ETV6: variants seen among roughly 807,000 people sequenced by gnomAD.
ETV6 encodes the protein ETS variant transcription factor 6, also known as transcription factor ETV6.
ETV6 carries 16 observed loss-of-function variants against 51.1 expected under a neutral mutation model. The ratio of observed to expected loss-of-function variants is 0.31; its 90% CI spans 0.21 to 0.48. The LOEUF is 0.48. Ranked by LOEUF, ETV6 falls within the 20% of genes least tolerant of loss-of-function variation. The pLI is 0.99. For missense variants in ETV6, 458 were observed against 594.8 expected, an observed-to-expected ratio of 0.77 and a Z score of 2.39; for synonymous variants, 240 against 224.1, an observed-to-expected ratio of 1.07 and a Z score of -0.64.
At chr12:11,654,060 C>T (rs745883371) in intron 1 of ETV6, among the ~76,000 whole-genome samples, 14 of 152,014 alleles carry the variant, frequency 9.2e-5, no homozygotes, top group Admixed American at 2.6e-4. Flanking sequence ...GTGATCTGCC[C>T]GCCTCAGCCT....
intron 1 of ETV6, among the ~76,000 whole-genome samples, chr12:11,653,326 C>T (rs929174252): frequency 1.3e-5 from 2 of 152,198 alleles, no homozygotes; most frequent in East Asian, 1.9e-4. Context: ...CTAGCAGACA[C>T]GGTCCCTTGT....
chr12:11,652,221 G>A (rs1369847769), intron 1 of ETV6, among the ~76,000 whole-genome samples: 1 of 152,172 alleles, frequency 6.6e-6, no homozygotes, highest in Non-Finnish European at 1.5e-5. Context: ...TTTATGGAAC[G>A]AGTATGTATT....
chr12:11,701,022 G>T (rs1401960928), intron 1 of ETV6, among the ~76,000 whole-genome samples: 1 of 151,082 alleles, frequency 6.6e-6, no homozygotes, highest in African/African-American at 2.4e-5. Context: ...TCTGAGAGTT[G>T]GTAAACAAAT....
chr12:11,752,722 C>G, intron 2 of ETV6, 143 bp downstream of exon 2: 2 of 1,064,688 alleles, frequency 1.9e-6, no homozygotes, highest in South Asian at 3.6e-5. Context: ...CTTTCACACC[C>G]CCCTACCCCC....
At chr12:11,659,738 CT>C (rs1864064892) in intron 1 of ETV6, among the ~76,000 whole-genome samples, 1 of 152,180 alleles carries the variant, frequency 6.6e-6, no homozygotes, top group African/African-American at 2.4e-5. Flanking sequence ...CAGCCTGTCT[CT>C]GAAGTTAACC....
At chr12:11,821,118 T>G (rs2136435268) in intron 2 of ETV6, among the ~76,000 whole-genome samples, 1 of 152,188 alleles carries the variant, frequency 6.6e-6, no homozygotes, top group Admixed American at 6.5e-5. Context: ...ATCCCAGCAC[T>G]TTGGGAGGCT....
chr12:11,729,221 A>G (rs1865548350), intron 1 of ETV6, among the ~76,000 whole-genome samples: 1 of 152,216 alleles, frequency 6.6e-6, no homozygotes, highest in Non-Finnish European at 1.5e-5. Context: ...CCAACTGGCC[A>G]GGTGTGCCAG....
intron 2 of ETV6, among the ~76,000 whole-genome samples, chr12:11,834,398 G>A (rs2710290): frequency 1 from 152,273 of 152,330 alleles, 76,108 homozygotes; most frequent in East Asian, 1. Flanking sequence ...GTTTGGATAA[G>A]GAGTGGTTTT....
chr12:11,761,647 G>C (rs1054198441), intron 2 of ETV6, among the ~76,000 whole-genome samples: 7 of 152,218 alleles, frequency 4.6e-5, no homozygotes, highest in African/African-American at 1.7e-4. Context: ...ATGTGTGCCA[G>C]AACACGCTAC....
rs149195477 is a variant in ETV6 at position 11,839,524 on chromosome 12, G to C, written c.328+220G>C. 1.8e-3 allele frequency among the ~76,000 whole-genome samples: 274 copies of C among 152,312 alleles called. 1 individual carries two copies. The highest frequency in any genetic ancestry group is 6.2e-3 in the African/African-American group (259 of 41,572). On this transcript the variant is annotated intron_variant, in intron 3 of 7. Transcript: ENST00000396373. The stretch of plus-strand genomic sequence containing the variant: ...ACCAAGGGGGAGAATTTTAAGTTTA[G>C]GAGAGGAACCCAGTTTAGTCCTACG...
chr12:11,819,627 C>A (rs1010588397), intron 2 of ETV6, among the ~76,000 whole-genome samples: 3 of 152,216 alleles, frequency 2.0e-5, no homozygotes, highest in Non-Finnish European at 4.4e-5. Context: ...TGGGCGGGCC[C>A]CTCTATTCAT....
At chr12:11,747,452 G>T (rs1271775727) in intron 1 of ETV6, among the ~76,000 whole-genome samples, 1 of 152,008 alleles carries the variant, frequency 6.6e-6, no homozygotes, top group Non-Finnish European at 1.5e-5. Flanking sequence ...GGTGGATGTG[G>T]ATTTTGCTAC....
At chr12:11,857,997 T>C (rs948958470) in intron 4 of ETV6, among the ~76,000 whole-genome samples, 2 of 152,206 alleles carry the variant, frequency 1.3e-5, no homozygotes, top group Non-Finnish European at 2.9e-5. Flanking sequence ...TCCTGCCTGG[T>C]GTTGCTCAGA....
chr12:11,692,734 G>T (rs865882589), intron 1 of ETV6, among the ~76,000 whole-genome samples: 1 of 152,324 alleles, frequency 6.6e-6, no homozygotes, highest in Middle Eastern at 3.4e-3. Context: ...AGCTGGGAGA[G>T]GCAGTATGCA....
chr12:11,691,140 T>A (rs1864753701), intron 1 of ETV6, among the ~76,000 whole-genome samples: 1 of 151,980 alleles, frequency 6.6e-6, no homozygotes, highest in African/African-American at 2.4e-5. Flanking sequence ...GGCGGGGAGC[T>A]CTCTAAGGCC....
At chr12:11,886,485 AAGGAT>A (rs1947187162) in intron 7 of ETV6, among the ~76,000 whole-genome samples, 4 of 152,094 alleles carry the variant, frequency 2.6e-5, no homozygotes, top group African/African-American at 9.7e-5. Context: ...TTAATGAAAT[AAGGAT>A]AGGATAGGAT....
chr12:11,776,406 ATTTTT>A (rs1005772452), intron 2 of ETV6, among the ~76,000 whole-genome samples: 4 of 147,164 alleles, frequency 2.7e-5, no homozygotes, highest in Non-Finnish European at 6.0e-5. Context: ...CTGGCAGGGA[ATTTTT>A]TTTTTTTTCT....
intron 2 of ETV6, among the ~76,000 whole-genome samples, chr12:11,757,457 A>G (rs865819443): frequency 1.1e-4 from 17 of 152,288 alleles, no homozygotes; most frequent in Middle Eastern, 3.4e-3. Context: ...TGGGAGCTGA[A>G]CGTGATCATC....
At position 11,891,793 on chromosome 12, in the gene ETV6, G is replaced by GGGTGCTTT. The variant is rs1382872037; in HGVS notation, c.*749_*756dup. The GGGTGCTTT allele has an allele frequency of 2.9e-6, 1 of 349,484 alleles. No individual in the cohort carries two copies. Among genetic ancestry groups the GGGTGCTTT allele is most frequent in the Non-Finnish European group, 5.6e-6 (1 of 179,840 alleles). 21.6% of individuals were successfully genotyped at this position (349,484 alleles called of 1,614,324 possible). On this transcript the variant is annotated 3_prime_UTR_variant, in exon 8 of 8. Transcript: ENST00000396373. ...GGCACCTAAACAGAATCAGTGACCC[G>GGGTGCTTT]GGTGCTTTGTGGCCAGCAGCACAGA...
Sources: gnomAD v4.1 joint callset for allele counts (sites outside exome capture counted in the v4.1 genomes callset) on GRCh38, gnomAD v4.1.1 for gene constraint, MANE v1.5 for transcripts, NCBI Gene and HGNC (gene_info 2026-07-23, HGNC 2026-07-21) for gene names.